The following SHISA6 variants were observed in gnomAD, a reference collection of about 807,000 sequenced individuals.
SHISA6 encodes protein shisa-6.
In SHISA6, 22 loss-of-function variants were observed where a neutral mutation model predicts 47.9. The observed-to-expected ratio is 0.46, with a 90% confidence interval of 0.33 to 0.66. The LOEUF is 0.66. Ranked by LOEUF, SHISA6 falls within the 30% of genes least tolerant of loss-of-function variation. The probability of loss-of-function intolerance (pLI) is 0.02; values close to 1 mark genes in which losing one functional copy is unlikely to be tolerated. For missense variants in SHISA6, 680 were observed against 764.6 expected (o/e 0.89, Z 1.30); for synonymous variants, 388 against 337.8 (o/e 1.15, Z -1.63).
intron 3 of SHISA6, among the ~76,000 whole-genome samples, chr17:11,443,839 T>C (rs1915158453): frequency 6.6e-6 from 1 of 152,182 alleles, no homozygotes; most frequent in African/African-American, 2.4e-5. Context: ...TAAGGCTCAA[T>C]AAATATCTGC....
intron 2 of SHISA6, among the ~76,000 whole-genome samples, chr17:11,350,182 A>ATTTTTATTTTTTTT (rs1911830132): frequency 8.6e-6 from 1 of 116,240 alleles, no homozygotes; most frequent in East Asian, 2.7e-4. Context: ...TTATTTATTT[A>ATTTTTATTTTTTTT]TTTTTTTTTT....
intron 4 of SHISA6, among the ~76,000 whole-genome samples, chr17:11,552,231 T>G (rs2071937965): frequency 6.6e-6 from 1 of 152,252 alleles, no homozygotes; most frequent in South Asian, 2.1e-4. Context: ...GTATCACTTC[T>G]TACAGTCATA....
chr17:11,505,114 A>G (rs2071487994), intron 3 of SHISA6, among the ~76,000 whole-genome samples: 1 of 152,228 alleles, frequency 6.6e-6, no homozygotes, highest in South Asian at 2.1e-4. Context: ...TTGTCCAGAT[A>G]CTGTCTTTTT....
rs1295487357 is a variant in SHISA6 at position 11,493,594 on chromosome 17, CACAT to C, written c.896-58298_896-58295del. 4.0e-5 allele frequency among the ~76,000 whole-genome samples: 6 copies of C among 149,010 alleles called. No homozygotes were observed. In the South Asian group the frequency reaches 1.2e-3, roughly 31 times the overall value. Reference sequence around the variant, plus strand: ...ACGCGTGCGCGCGCACACACACACACACATACACACACCATCTACCAAAACCTTT... The same window carrying C: ...ACGCGTGCGCGCGCACACACACACACACACACACCATCTACCAAAACCTTT... On this transcript the variant is annotated intron_variant, in intron 3 of 5. Transcript: ENST00000441885.
chr17:11,293,491 T>A (rs1438412067), intron 2 of SHISA6, among the ~76,000 whole-genome samples: 1 of 152,146 alleles, frequency 6.6e-6, no homozygotes, highest in Middle Eastern at 3.2e-3. Flanking sequence ...ACCTAGTATT[T>A]CCCTGAGAGC....
intron 1 of SHISA6, among the ~76,000 whole-genome samples, chr17:11,244,258 C>A (rs1483916148): frequency 6.6e-6 from 1 of 152,192 alleles, no homozygotes; most frequent in Non-Finnish European, 1.5e-5. Flanking sequence ...TCTCTTCCAG[C>A]AGCTGCAGTC....
intron 2 of SHISA6, among the ~76,000 whole-genome samples, chr17:11,267,002 A>G (rs993916841): frequency 2.6e-5 from 4 of 152,234 alleles, no homozygotes; most frequent in Non-Finnish European, 5.9e-5. Flanking sequence ...CTTACTATGT[A>G]TTGGGTACTC....
In SHISA6 at chr17:11,368,340, G is replaced by T. The variant is rs1912522015; in HGVS notation, c.800-11074G>T. Among the ~76,000 whole-genome samples the T allele has an allele frequency of 2.0e-5, 3 of 152,134 alleles. No individual in the cohort carries two copies. In the South Asian group the frequency reaches 6.2e-4, roughly 31 times the overall value. On this transcript the variant is annotated intron_variant, in intron 2 of 5. Coordinates refer to ENST00000441885, the MANE Select transcript of SHISA6 (RefSeq NM_207386.4). ...CCTACTAATCTTAATTAGCGGGTCT[G>T]TTTTTTCCAAAGCACATTCAGGAGA...
Position 11,263,502 on chromosome 17 carries a change from G to A in SHISA6, c.775G>A (p.Val259Met), listed in dbSNP as rs1182148281. 3.2e-6 allele frequency: 5 copies of A among 1,551,662 alleles called. No homozygotes were observed. Among genetic ancestry groups the A allele is most frequent in the East Asian group, 2.4e-5 (1 of 40,904 alleles). ...GTCCTCCAAAAACCACTACACTCCT[G>A]TGCGTACGGCCAAGCAGACTCCAGG... The part of the protein sequence containing the change: ...RSSSKNHYTP[V>M]RTAKQTPGHY... The change falls in exon 2 of 6, where the codon GTG becomes ATG. Residue 259 changes from valine (V) to methionine (M), a missense_variant. Physicochemically the swap from Val to Met is conservative, Grantham distance 21 (BLOSUM62 1). Coordinates refer to ENST00000441885, the MANE Select transcript of SHISA6 (RefSeq NM_207386.4).
intron 3 of SHISA6, among the ~76,000 whole-genome samples, chr17:11,512,460 C>T (rs1247428760): frequency 1.3e-5 from 2 of 152,174 alleles, no homozygotes; most frequent in Admixed American, 1.3e-4. Context: ...TTGCATATAT[C>T]ACTTTGTAAC....
intron 2 of SHISA6, among the ~76,000 whole-genome samples, chr17:11,294,011 G>A (rs1381822901): frequency 1.4e-5 from 2 of 143,862 alleles, no homozygotes; most frequent in Non-Finnish European, 3.1e-5. Flanking sequence ...TCAGCCTCCC[G>A]AGTAGCTGGG....
At chr17:11,299,243 C>A (rs1909845203) in intron 2 of SHISA6, among the ~76,000 whole-genome samples, 1 of 152,140 alleles carries the variant, frequency 6.6e-6, no homozygotes, top group African/African-American at 2.4e-5. Context: ...TCGGAATAAT[C>A]ATAGCTAATA....
intron 2 of SHISA6, among the ~76,000 whole-genome samples, chr17:11,295,828 T>C (rs1909732218): frequency 6.6e-6 from 1 of 151,938 alleles, no homozygotes; most frequent in Non-Finnish European, 1.5e-5. Context: ...CTGGGCGTGG[T>C]GGCGGGCGCC....
At chr17:11,524,962 G>A (rs541856548) in intron 3 of SHISA6, among the ~76,000 whole-genome samples, 2 of 146,530 alleles carry the variant, frequency 1.4e-5, no homozygotes, top group African/African-American at 2.8e-5. Context: ...CTGAGATGAC[G>A]GGGGGGTAGA....
intron 2 of SHISA6, among the ~76,000 whole-genome samples, chr17:11,281,607 A>G (rs1447149031): frequency 1.3e-5 from 2 of 152,156 alleles, no homozygotes; most frequent in South Asian, 2.1e-4. Flanking sequence ...ATTGGTCCAT[A>G]GTTCTGTTTT....
chr17:11,424,338 C>A (rs1335298669), intron 3 of SHISA6, among the ~76,000 whole-genome samples: 1 of 152,056 alleles, frequency 6.6e-6, no homozygotes, highest in Non-Finnish European at 1.5e-5. Flanking sequence ...AAATTACCAT[C>A]AACATAGGAT....
At chr17:11,399,064 C>G (rs1272340512) in intron 3 of SHISA6, among the ~76,000 whole-genome samples, 1 of 151,542 alleles carries the variant, frequency 6.6e-6, no homozygotes, top group African/African-American at 2.4e-5. Context: ...AATTTAAAAT[C>G]TGGGAGTTTT....
chr17:11,487,416 C>G (rs998660184), intron 3 of SHISA6, among the ~76,000 whole-genome samples: 3 of 152,174 alleles, frequency 2.0e-5, no homozygotes, highest in Non-Finnish European at 2.9e-5. Flanking sequence ...CTTGTCATAA[C>G]TGGCCATAAA....
intron 2 of SHISA6, among the ~76,000 whole-genome samples, chr17:11,373,336 G>A (rs1222449574): frequency 2.0e-5 from 3 of 151,890 alleles, no homozygotes; most frequent in East Asian, 3.9e-4. Flanking sequence ...ACCAAAAGCC[G>A]CCAATCAGTC....
Sources: allele counts gnomAD v4.1 joint callset (sites outside exome capture counted in the v4.1 genomes callset), GRCh38; gene constraint gnomAD v4.1.1; transcripts MANE v1.5; gene names NCBI Gene and HGNC (gene_info 2026-07-23, HGNC 2026-07-21).